RAPGEF4: variants seen among roughly 807,000 people sequenced by gnomAD.
RAPGEF4 encodes the protein Rap guanine nucleotide exchange factor 4, also known as RAP guanine-nucleotide-exchange factor (GEF) 4.
Under a neutral mutation model 147.9 loss-of-function variants are expected in RAPGEF4, and 66 were observed. The ratio of observed to expected loss-of-function variants is 0.45; its 90% confidence interval spans 0.37 to 0.55. RAPGEF4 has a LOEUF of 0.55. Ranked by LOEUF, RAPGEF4 falls within the 20% of genes least tolerant of loss-of-function variation. The probability of loss-of-function intolerance (pLI) is 0.00; values close to 1 mark genes in which losing one functional copy is unlikely to be tolerated. For synonymous variants in RAPGEF4, 419 were observed against 442.7 expected, an observed-to-expected ratio of 0.95 and a Z score of 0.67; for missense variants, 1,071 against 1,257.3, an observed-to-expected ratio of 0.85 and a Z score of 2.24.
chr2:172,902,001 G>A (rs1424980573), intron 4 of RAPGEF4, among the ~76,000 whole-genome samples: 1 of 152,182 alleles, frequency 6.6e-6, no homozygotes, highest in Non-Finnish European at 1.5e-5. Context: ...ATGAGGACTG[G>A]GGGTTGGGGA....
At position 172,882,562 on chromosome 2, in the gene RAPGEF4, G is replaced by A. The variant is rs114203012; in HGVS notation, c.445-35240G>A. 6.8e-3 allele frequency among the ~76,000 whole-genome samples: 1,030 copies of A among 152,298 alleles called. 9 individuals are homozygous for A. Among genetic ancestry groups the A allele is most frequent in the African/African-American group, 0.023 (960 of 41,546 alleles). Reference sequence around the variant, plus strand: ...GGAGGAGGAGGAGGCTGTGTGTTATGAGGGAAGCATATGGAATTCAGAAAC... The same window carrying A: ...GGAGGAGGAGGAGGCTGTGTGTTATAAGGGAAGCATATGGAATTCAGAAAC... On this transcript the variant is annotated intron_variant, in intron 4 of 30. Coordinates refer to ENST00000397081, the MANE Select transcript of RAPGEF4 (RefSeq NM_007023.4).
At chr2:172,794,318 G>A (rs1159563324) in intron 1 of RAPGEF4, among the ~76,000 whole-genome samples, 3 of 135,358 alleles carry the variant, frequency 2.2e-5, no homozygotes, top group African/African-American at 8.4e-5. Flanking sequence ...TTGCACTCCA[G>A]CCTGGGCAAC....
intron 4 of RAPGEF4, among the ~76,000 whole-genome samples, chr2:172,890,664 CA>C (rs1312899273): frequency 6.6e-6 from 1 of 152,200 alleles, no homozygotes; most frequent in Non-Finnish European, 1.5e-5. Flanking sequence ...GACAGCTTCA[CA>C]TGAATCTGCA....
At chr2:172,884,735 G>A (rs914338902) in intron 4 of RAPGEF4, among the ~76,000 whole-genome samples, 1 of 152,172 alleles carries the variant, frequency 6.6e-6, no homozygotes, top group African/African-American at 2.4e-5. Flanking sequence ...TAAATTGTGA[G>A]ATATTTTGAA....
chr2:172,959,899 GGGCA>G (rs1326761514), intron 6 of RAPGEF4, among the ~76,000 whole-genome samples: 5 of 152,140 alleles, frequency 3.3e-5, no homozygotes, highest in Non-Finnish European at 7.3e-5. Flanking sequence ...AGACCAGCCT[GGGCA>G]ACATATCGAG....
At chr2:172,990,704 A>G in intron 14 of RAPGEF4, 106 bp from the exon 15 acceptor site, 1 of 756,158 alleles carries the variant, frequency 1.3e-6, no homozygotes, top group Non-Finnish European at 2.2e-6. Context: ...TTGTAGACGC[A>G]ACAATTAGCA....
chr2:172,893,351 A>G (rs754960913), intron 4 of RAPGEF4, among the ~76,000 whole-genome samples: 8 of 152,198 alleles, frequency 5.3e-5, no homozygotes, highest in Non-Finnish European at 8.8e-5. Flanking sequence ...CTAACTTAGA[A>G]TCAGGAGATG....
At chr2:172,863,724 C>A (rs900025892) in intron 4 of RAPGEF4, among the ~76,000 whole-genome samples, 1 of 152,132 alleles carries the variant, frequency 6.6e-6, no homozygotes, top group Admixed American at 6.6e-5. Context: ...TACCAAACCC[C>A]CAACTGGCAA....
At chr2:173,000,089 C>CA (rs1304223460) in intron 16 of RAPGEF4, among the ~76,000 whole-genome samples, 1 of 152,124 alleles carries the variant, frequency 6.6e-6, no homozygotes, top group Non-Finnish European at 1.5e-5. Flanking sequence ...TCAGGCAAGC[C>CA]AAAATCCTTT....
At chr2:173,017,035 A>G in intron 19 of RAPGEF4, 139 bp from the exon 20 acceptor site, 5 of 785,818 alleles carry the variant, frequency 6.4e-6, no homozygotes, top group Non-Finnish European at 1.0e-5. Flanking sequence ...TTACTATTAA[A>G]ATGAGGAAGC....
intron 4 of RAPGEF4, among the ~76,000 whole-genome samples, chr2:172,837,274 TC>T (rs1691055369): frequency 1.3e-5 from 2 of 152,164 alleles, no homozygotes; most frequent in South Asian, 4.1e-4. Context: ...TATTTAATCC[TC>T]CTAACAACAT....
intron 16 of RAPGEF4, among the ~76,000 whole-genome samples, chr2:172,997,670 G>T (rs756919623): frequency 9.2e-5 from 14 of 151,744 alleles, no homozygotes; most frequent in South Asian, 2.1e-4. Flanking sequence ...CTATGCTACT[G>T]CCTGTCTCTC....
In RAPGEF4 at chr2:172,777,374, A is replaced by G. The variant is rs77476231; in HGVS notation, c.66-17651A>G. 2.6e-3 allele frequency among the ~76,000 whole-genome samples: 389 copies of G among 152,170 alleles called. 1 individual carries two copies. Among genetic ancestry groups the G allele is most frequent in the Non-Finnish European group, 4.3e-3 (293 of 67,998 alleles). ...GATACAATAGTTATTTAAAAAAAAA[A>G]CCCTGCTTTTATGGAGCTTATGTTC... On this transcript the variant is annotated intron_variant, in intron 1 of 30. Coordinates refer to ENST00000397081, the MANE Select transcript of RAPGEF4 (RefSeq NM_007023.4).
intron 5 of RAPGEF4, chr2:172,918,189 G>A (rs62174627): frequency 0.1 from 47,451 of 458,406 alleles, 3,570 homozygotes; most frequent in Non-Finnish European, 0.14. Flanking sequence ...TTAAAGAAGG[G>A]ATGCACGAAC....
At chr2:172,913,669 ATTGT>A (rs1246749206) in intron 4 of RAPGEF4, among the ~76,000 whole-genome samples, 6 of 151,712 alleles carry the variant, frequency 4.0e-5, no homozygotes, top group Non-Finnish European at 8.8e-5. Flanking sequence ...TTTTGTTTTG[ATTGT>A]TTGTATGGTT....
Position 173,001,266 on chromosome 2 carries a change from A to T in RAPGEF4, c.1580A>T (p.Asp527Val), listed in dbSNP as rs1693890712. The T allele has an allele frequency of 3.7e-6, 6 of 1,613,290 alleles. No individual in the cohort carries two copies. Among genetic ancestry groups the T allele is most frequent in the Middle Eastern group, 1.7e-4 (1 of 6,060 alleles). Residue 527 changes from aspartate to valine, a missense_variant and splice_region_variant, in exon 17 of 31, where the codon GAT becomes GTT. Physicochemically the swap from Asp to Val is radical, Grantham distance 152. Coordinates refer to ENST00000397081, the MANE Select transcript of RAPGEF4 (RefSeq NM_007023.4). ...CTTTTCTGTTTTTTTCCCCTTCCAG[A>T]TTCTGTTTTAAATGACTTTATTATG... ...RLEATLNEAT[D>V]SVLNDFIMMH...
intron 30 of RAPGEF4, among the ~76,000 whole-genome samples, chr2:173,048,914 T>C (rs1685835902): frequency 1.3e-5 from 2 of 152,266 alleles, no homozygotes; most frequent in South Asian, 2.1e-4. Flanking sequence ...AGATTTAATT[T>C]GCTCTATCCA....
chr2:173,003,520 A>G (rs1220572923), intron 17 of RAPGEF4, among the ~76,000 whole-genome samples: 2 of 152,158 alleles, frequency 1.3e-5, no homozygotes, highest in Non-Finnish European at 2.9e-5. Context: ...TGCTAAGAGC[A>G]TTGACCAATA....
At chr2:172,955,748 C>T (rs1688665490) in intron 6 of RAPGEF4, among the ~76,000 whole-genome samples, 1 of 152,198 alleles carries the variant, frequency 6.6e-6, no homozygotes, top group Non-Finnish European at 1.5e-5. Context: ...TCTGTGCCGT[C>T]CCGCTGTCCT....
Sources: gnomAD v4.1 joint callset for allele counts (sites outside exome capture counted in the v4.1 genomes callset) on GRCh38, gnomAD v4.1.1 for gene constraint, MANE v1.5 for transcripts, NCBI Gene and HGNC (gene_info 2026-07-23, HGNC 2026-07-21) for gene names.